Variants in ARMH3 observed in about 807,000 individuals in gnomAD.
ARMH3 encodes the protein armadillo-like helical domain-containing protein 3.
Under a neutral mutation model 99.1 loss-of-function variants are expected in ARMH3, and 60 were observed. That is an observed-to-expected ratio of 0.61 (90% CI 0.49 to 0.75). The LOEUF is 0.75. Among genes scored for constraint, ARMH3 ranks in the 30% least tolerant of loss-of-function variants. The pLI is 0.00. For missense variants in ARMH3, 679 were observed against 843.1 expected (o/e 0.81, Z 2.41); for synonymous variants, 285 against 292.8 (o/e 0.97, Z 0.27).
intron 4 of ARMH3, 122 bp from the exon 5 acceptor site, chr10:102,029,867 T>A: frequency 1.0e-6 from 1 of 1,002,980 alleles, no homozygotes; most frequent in Non-Finnish European, 1.4e-6. Flanking sequence ...AGTTCTGAGC[T>A]CCAAAACACA....
At chr10:101,850,896 GC>G (rs1304872375) in intron 24 of ARMH3, among the ~76,000 whole-genome samples, 1 of 152,172 alleles carries the variant, frequency 6.6e-6, no homozygotes, top group Non-Finnish European at 1.5e-5. Context: ...TTATCCTGAA[GC>G]TTTCCCTGGC....
At chr10:101,951,867 C>CAA (rs1248699204) in intron 22 of ARMH3, among the ~76,000 whole-genome samples, 2 of 43,810 alleles carry the variant, frequency 4.6e-5, no homozygotes, top group Non-Finnish European at 8.6e-5. Context: ...GACTCCGTCT[C>CAA]AAAAAAAAAA....
At chr10:101,951,327 T>C (rs924917558) in intron 22 of ARMH3, among the ~76,000 whole-genome samples, 2 of 152,146 alleles carry the variant, frequency 1.3e-5, no homozygotes, top group Non-Finnish European at 2.9e-5. Context: ...CCCAGAACTT[T>C]AGGAGGCCAA....
chr10:101,997,012 C>A (rs1178567874), intron 15 of ARMH3, among the ~76,000 whole-genome samples: 1 of 152,174 alleles, frequency 6.6e-6, no homozygotes, highest in East Asian at 1.9e-4. Flanking sequence ...CACCTCTAAT[C>A]CCAGCACTTT....
At chr10:101,865,215 CAA>C (rs201839149) in intron 24 of ARMH3, among the ~76,000 whole-genome samples, 2 of 108,314 alleles carry the variant, frequency 1.8e-5, no homozygotes, top group Non-Finnish European at 2.0e-5. Context: ...GACTATGTCT[CAA>C]AAAAAAAAAA....
intron 24 of ARMH3, among the ~76,000 whole-genome samples, chr10:101,850,587 G>T (rs948962746): frequency 6.6e-6 from 1 of 151,346 alleles, no homozygotes; most frequent in African/African-American, 2.4e-5. Flanking sequence ...ATCATGCCCG[G>T]CTAATTTTTG....
At chr10:101,909,896 A>G (rs1028471242) in intron 23 of ARMH3, among the ~76,000 whole-genome samples, 7 of 152,202 alleles carry the variant, frequency 4.6e-5, no homozygotes, top group Non-Finnish European at 7.3e-5. Flanking sequence ...CATATTGATT[A>G]TATGTTAGAA....
intron 20 of ARMH3, among the ~76,000 whole-genome samples, chr10:101,960,366 C>G (rs544660663): frequency 1.3e-5 from 2 of 152,302 alleles, no homozygotes; most frequent in East Asian, 3.9e-4. Context: ...TACACCACTA[C>G]ACACAGATTC....
chr10:101,999,822 T>C (rs1218101505), intron 15 of ARMH3, among the ~76,000 whole-genome samples: 1 of 152,286 alleles, frequency 6.6e-6, no homozygotes, highest in African/African-American at 2.4e-5. Context: ...TGGTGGCCCA[T>C]ACCTGTAATC....
At chr10:101,850,242 G>A (rs1327847324) in intron 24 of ARMH3, among the ~76,000 whole-genome samples, 1 of 148,996 alleles carries the variant, frequency 6.7e-6, no homozygotes, top group African/African-American at 2.5e-5. Flanking sequence ...GGACGACAGG[G>A]GCACATCACC....
At chr10:101,891,463 T>C (rs946456528) in intron 23 of ARMH3, among the ~76,000 whole-genome samples, 3 of 152,186 alleles carry the variant, frequency 2.0e-5, no homozygotes, top group Admixed American at 6.5e-5. Flanking sequence ...TCCCAAAGTA[T>C]TGGGATTACA....
rs2066684017 is a variant in ARMH3 at position 102,013,881 on chromosome 10, T to C, written c.726+87A>G. The stretch of plus-strand genomic sequence containing the variant: ...GGATGAAATTGACAGAATAGCTCTC[T>C]GCTCTCTGTTCTAAATGTACTTTCA... On this transcript the variant is annotated intron_variant, in intron 9 of 25. Transcript: ENST00000370033. 8.0e-6 allele frequency: 9 copies of C among 1,130,096 alleles called. No individual in the cohort carries two copies. In the Admixed American group the frequency reaches 2.1e-4, roughly 26 times the overall value. The allele number at this position is 1,130,096 out of a possible 1,614,324, so 70.0% of individuals were successfully genotyped here. A position where few individuals can be genotyped will look rare whatever the true frequency, so the allele number is the denominator to read the frequency against.
At chr10:102,053,716 G>A (rs908492791) in intron 1 of ARMH3, among the ~76,000 whole-genome samples, 3 of 150,644 alleles carry the variant, frequency 2.0e-5, no homozygotes, top group African/African-American at 7.4e-5. Flanking sequence ...CTGGAGTGCA[G>A]TGGCACCATC....
chr10:101,878,920 T>C lies in ARMH3; in HGVS notation c.1860+10492A>G, dbSNP rs2067338580. On this transcript the variant is annotated intron_variant, in intron 24 of 25. Transcript: ENST00000370033. The stretch of plus-strand genomic sequence containing the variant: ...ATAGGGACCTTTCTGAGACACTTGA[T>C]TGGAATAAAGAGTCTCTTCTCTCAT... 2.0e-5 allele frequency among the ~76,000 whole-genome samples: 3 copies of C among 152,214 alleles called. No individual in the cohort carries two copies. The South Asian group carries it at 6.2e-4, about 32-fold the overall frequency.
At chr10:102,055,169 A>C (rs1334368019) in intron 1 of ARMH3, among the ~76,000 whole-genome samples, 1 of 151,858 alleles carries the variant, frequency 6.6e-6, no homozygotes, top group African/African-American at 2.4e-5. Context: ...CAAAAATATA[A>C]AATTAGCTGG....
At chr10:101,949,166 G>C (rs1350967968) in intron 22 of ARMH3, among the ~76,000 whole-genome samples, 1 of 151,852 alleles carries the variant, frequency 6.6e-6, no homozygotes, top group Non-Finnish European at 1.5e-5. Flanking sequence ...AATGAACTAT[G>C]CTTGCACCCT....
chr10:101,870,516 G>T (rs931042440), intron 24 of ARMH3, among the ~76,000 whole-genome samples: 1 of 151,954 alleles, frequency 6.6e-6, no homozygotes, highest in Admixed American at 6.6e-5. Flanking sequence ...TTTAGGTGAG[G>T]GTTATGTGGC....
intron 24 of ARMH3, among the ~76,000 whole-genome samples, chr10:101,876,297 C>T (rs1452439940): frequency 6.7e-6 from 1 of 149,916 alleles, no homozygotes; most frequent in East Asian, 1.9e-4. Context: ...TTGTTGCATG[C>T]AGGGCACTCT....
In ARMH3 at chr10:102,023,663, C is replaced by G. The variant is rs768214815; in HGVS notation, c.582+12G>C. 1.2e-6 allele frequency: 2 copies of G among 1,612,836 alleles called. No homozygotes were observed. Among genetic ancestry groups the G allele is most frequent in the Non-Finnish European group, 1.7e-6 (2 of 1,178,950 alleles). ...GGTTTACCCCAAAGAGAGGAGGTAACAAGGGACCTACCTGTAAAATTGCTT... is the reference window on the plus strand; with the variant it reads ...GGTTTACCCCAAAGAGAGGAGGTAAGAAGGGACCTACCTGTAAAATTGCTT... On this transcript the variant is annotated intron_variant, in intron 7 of 25. Coordinates refer to ENST00000370033, the MANE Select transcript of ARMH3 (RefSeq NM_024541.3).
Sources: gnomAD v4.1 joint callset for allele counts (sites outside exome capture counted in the v4.1 genomes callset) on GRCh38, gnomAD v4.1.1 for gene constraint, MANE v1.5 for transcripts, NCBI Gene and HGNC (gene_info 2026-07-23, HGNC 2026-07-21) for gene names.